Variants in THSD7A observed in about 807,000 individuals in gnomAD.
THSD7A encodes the protein thrombospondin type-1 domain-containing protein 7A.
In THSD7A, 96 loss-of-function variants were observed where a neutral mutation model predicts 231.3. The ratio of observed to expected loss-of-function variants is 0.41; its 90% CI spans 0.35 to 0.49. The LOEUF (loss-of-function observed/expected upper bound fraction) is 0.49, where lower values mean the gene tolerates loss of function less well. THSD7A is among the 20% of genes least tolerant of loss of function. THSD7A has a pLI of 0.05. For synonymous variants in THSD7A, 940 were observed against 743.3 expected, an observed-to-expected ratio of 1.26 and a Z score of -4.30; for missense variants, 2,290 against 2,070.2, an observed-to-expected ratio of 1.11 and a Z score of -2.06.
In THSD7A at chr7:11,654,071, T is replaced by TA. The variant is rs1416043941; in HGVS notation, c.191-17111dup. 4.6e-5 allele frequency among the ~76,000 whole-genome samples: 7 copies of TA among 151,896 alleles called. No homozygotes were observed. The South Asian group carries it at 1.2e-3, about 27-fold the overall frequency. On this transcript the variant is annotated intron_variant, in intron 1 of 27. Coordinates refer to ENST00000423059, the MANE Select transcript of THSD7A (RefSeq NM_015204.3). ...TGTGTAGGAACTCAAAGTTGAGAGA[T>TA]ATTTTTTTCTAAAAGAAGAATCTCT...
At chr7:11,788,707 T>C (rs1039136941) in intron 1 of THSD7A, among the ~76,000 whole-genome samples, 5 of 152,026 alleles carry the variant, frequency 3.3e-5, no homozygotes, top group Non-Finnish European at 7.4e-5. Context: ...ACTGCTTTTA[T>C]TCAAATTTCA....
intron 2 of THSD7A, among the ~76,000 whole-genome samples, chr7:11,617,914 C>G (rs1157365944): frequency 2.0e-5 from 3 of 151,992 alleles, no homozygotes; most frequent in Non-Finnish European, 4.4e-5. Context: ...TGCAGCACAC[C>G]AACATGGCAC....
chr7:11,691,289 G>C (rs998275868), intron 1 of THSD7A, among the ~76,000 whole-genome samples: 1 of 151,450 alleles, frequency 6.6e-6, no homozygotes, highest in African/African-American at 2.4e-5. Flanking sequence ...TCATAAGAAA[G>C]TGCATGGTAA....
chr7:11,724,550 C>T (rs764000232), intron 1 of THSD7A, among the ~76,000 whole-genome samples: 3 of 151,782 alleles, frequency 2.0e-5, no homozygotes, highest in Non-Finnish European at 4.4e-5. Flanking sequence ...TGTATATACA[C>T]GCACACATAC....
At chr7:11,788,966 T>G (rs1783871348) in intron 1 of THSD7A, among the ~76,000 whole-genome samples, 1 of 151,892 alleles carries the variant, frequency 6.6e-6, no homozygotes, top group Admixed American at 6.6e-5. Context: ...AACAAGTGGG[T>G]GTCAAACAGG....
intron 1 of THSD7A, among the ~76,000 whole-genome samples, chr7:11,660,253 T>C (rs1782879508): frequency 6.6e-6 from 1 of 151,516 alleles, no homozygotes; most frequent in South Asian, 2.1e-4. Context: ...AGAGATATGG[T>C]TACTGCCCTT....
chr7:11,575,155 T>C (rs1054538855), intron 4 of THSD7A, among the ~76,000 whole-genome samples: 2 of 152,226 alleles, frequency 1.3e-5, no homozygotes, highest in South Asian at 2.1e-4. Flanking sequence ...ATCATCCTCG[T>C]CATCCTCTGC....
chr7:11,591,942 G>T (rs984800179), intron 3 of THSD7A, among the ~76,000 whole-genome samples: 2 of 152,150 alleles, frequency 1.3e-5, no homozygotes, highest in Admixed American at 6.6e-5. Context: ...TATGAAAAAT[G>T]CTTCCCCCCA....
intron 4 of THSD7A, among the ~76,000 whole-genome samples, chr7:11,574,174 T>C (rs1790775191): frequency 6.6e-6 from 1 of 152,184 alleles, no homozygotes; most frequent in African/African-American, 2.4e-5. Context: ...ATTACCCAGT[T>C]ATTCTCTTTC....
intron 23 of THSD7A, among the ~76,000 whole-genome samples, chr7:11,395,159 C>G (rs1399276113): frequency 4.7e-5 from 7 of 147,548 alleles, no homozygotes; most frequent in Non-Finnish European, 8.9e-5. Context: ...AAAAAAAAAG[C>G]AGGGGTTACA....
chr7:11,638,969 A>G (rs554766685), intron 1 of THSD7A, among the ~76,000 whole-genome samples: 1 of 152,294 alleles, frequency 6.6e-6, no homozygotes, highest in South Asian at 2.1e-4. Flanking sequence ...AATATGTATA[A>G]AATTTTCTAA....
chr7:11,637,054 A>G lies in THSD7A; in HGVS notation c.191-93T>C, dbSNP rs2128360903. 2.6e-6 allele frequency: 3 copies of G among 1,164,992 alleles called. No homozygotes were observed. Among genetic ancestry groups the G allele is most frequent in the Non-Finnish European group, 3.6e-6 (3 of 827,564 alleles). The allele number at this position is 1,164,992 out of a possible 1,614,324, so 72.2% of individuals were successfully genotyped here. A position where few individuals can be genotyped will look rare whatever the true frequency, so the allele number is the denominator to read the frequency against. ...AGAAAGACCTTTCAAGACCTAGTACATTAACTTCCCTGCGGTGTTACAAAG... is the reference window on the plus strand; with the variant it reads ...AGAAAGACCTTTCAAGACCTAGTACGTTAACTTCCCTGCGGTGTTACAAAG... On this transcript the variant is annotated intron_variant, in intron 1 of 27. Transcript: ENST00000423059. This position sits in a 1 kb window ranked among gnomAD's most constrained non-coding sequence, Gnocchi z 4.2.
intron 1 of THSD7A, among the ~76,000 whole-genome samples, chr7:11,762,263 G>T (rs1782887270): frequency 6.6e-6 from 1 of 152,120 alleles, no homozygotes; most frequent in Non-Finnish European, 1.5e-5. Context: ...CCATTAGTGG[G>T]ATTGCTAGGT....
intron 1 of THSD7A, among the ~76,000 whole-genome samples, chr7:11,742,154 T>C (rs1285573917): frequency 6.6e-6 from 1 of 151,944 alleles, no homozygotes; most frequent in Non-Finnish European, 1.5e-5. Flanking sequence ...TTGCTTATCA[T>C]CTGGTTGTGA....
rs972020956 is a variant in THSD7A, at chr7:11,379,358, G to T, written c.4591-78C>A. ...CTAACAGACCTGACTTGAAGAGAAG[G>T]CTTTAAACAAGGTTTGTTTTGGGAA... is the stretch of plus-strand genomic sequence containing the variant. On this transcript the variant is annotated intron_variant, in intron 25 of 27. Transcript: ENST00000423059. 22 of 1,418,644 alleles carry T rather than the reference G, an allele frequency of 1.6e-5. No individual in the cohort carries two copies. In the Admixed American group the frequency reaches 2.2e-4, roughly 14 times the overall value. The allele number at this position is 1,418,644 out of a possible 1,614,324, so 87.9% of individuals were successfully genotyped here.
At chr7:11,732,078 T>A (rs904689835) in intron 1 of THSD7A, among the ~76,000 whole-genome samples, 5 of 151,672 alleles carry the variant, frequency 3.3e-5, no homozygotes, top group Non-Finnish European at 7.4e-5. Context: ...TAAAAAAATG[T>A]TTCTCTAAAA....
At chr7:11,670,719 C>T (rs1270443793) in intron 1 of THSD7A, among the ~76,000 whole-genome samples, 3 of 152,138 alleles carry the variant, frequency 2.0e-5, no homozygotes, top group African/African-American at 7.2e-5. Flanking sequence ...TCTGCACAAG[C>T]ACATATTTCA....
At chr7:11,693,235 AAG>A (rs1287949369) in intron 1 of THSD7A, among the ~76,000 whole-genome samples, 1 of 151,618 alleles carries the variant, frequency 6.6e-6, no homozygotes, top group Admixed American at 6.6e-5. Context: ...ATTTCTAACA[AAG>A]GACATACACA....
chr7:11,654,336 G>A (rs6958479), intron 1 of THSD7A, among the ~76,000 whole-genome samples: 94,229 of 151,738 alleles, frequency 0.62, 29,876 homozygotes, highest in African/African-American at 0.75. Flanking sequence ...TCTGATGAAA[G>A]GATGTGCTAT....
Sources: gnomAD v4.1 joint callset for allele counts (sites outside exome capture counted in the v4.1 genomes callset) on GRCh38, gnomAD v4.1.1 for gene constraint, Gnocchi (gnomAD v3.1) non-coding constraint, MANE v1.5 for transcripts, NCBI Gene and HGNC (gene_info 2026-07-23, HGNC 2026-07-21) for gene names.